The following CACNA2D3 variants were observed in gnomAD, a reference collection of about 807,000 sequenced individuals.
The protein encoded by CACNA2D3 is voltage-dependent calcium channel subunit alpha-2/delta-3.
CACNA2D3 carries 60 observed loss-of-function variants against 160.6 expected under a neutral mutation model. The ratio of observed to expected loss-of-function variants is 0.37; its 90% CI spans 0.30 to 0.46. The LOEUF (loss-of-function observed/expected upper bound fraction) is 0.46. CACNA2D3 is among the 20% of genes least tolerant of loss of function. The probability of loss-of-function intolerance (pLI) is 1.00; values close to 1 mark genes in which losing one functional copy is unlikely to be tolerated. For synonymous variants in CACNA2D3, 558 were observed against 492.9 expected, an observed-to-expected ratio of 1.13 and a Z score of -1.75; for missense variants, 1,205 against 1,365.0, an observed-to-expected ratio of 0.88 and a Z score of 1.85.
chr3:54,589,321 A>G (rs1286823096), intron 9 of CACNA2D3, among the ~76,000 whole-genome samples: 1 of 152,134 alleles, frequency 6.6e-6, no homozygotes, highest in Non-Finnish European at 1.5e-5. Context: ...TCATTCACAG[A>G]CAAAAACAAA....
intron 11 of CACNA2D3, among the ~76,000 whole-genome samples, chr3:54,735,424 G>T (rs938723903): frequency 1.3e-5 from 2 of 152,184 alleles, no homozygotes; most frequent in African/African-American, 2.4e-5. Flanking sequence ...TGCAATGAAG[G>T]TTGAAGTCCC....
intron 31 of CACNA2D3, among the ~76,000 whole-genome samples, chr3:55,001,935 G>A (rs9883364): frequency 0.068 from 10,366 of 152,168 alleles, 1,139 homozygotes; most frequent in African/African-American, 0.24. Flanking sequence ...GAGGCAGGTG[G>A]ATCACAAGGT....
intron 34 of CACNA2D3, among the ~76,000 whole-genome samples, chr3:55,011,269 C>T (rs1703206099): frequency 6.6e-6 from 1 of 152,218 alleles, no homozygotes; most frequent in South Asian, 2.1e-4. Flanking sequence ...TTCATCCACA[C>T]ACATGCACAT....
At chr3:54,913,552 A>G (rs1468133691) in intron 27 of CACNA2D3, among the ~76,000 whole-genome samples, 3 of 152,130 alleles carry the variant, frequency 2.0e-5, no homozygotes, top group African/African-American at 7.2e-5. Context: ...AGAGCCATAG[A>G]TTATGAAAGG....
At chr3:54,988,632 G>A (rs1702669660) in intron 31 of CACNA2D3, among the ~76,000 whole-genome samples, 1 of 152,182 alleles carries the variant, frequency 6.6e-6, no homozygotes, top group African/African-American at 2.4e-5. Flanking sequence ...GGTGGCCAGT[G>A]GGTAGGCAGG....
intron 14 of CACNA2D3, among the ~76,000 whole-genome samples, chr3:54,830,973 C>T (rs1046162096): frequency 2.6e-5 from 4 of 152,046 alleles, no homozygotes; most frequent in African/African-American, 9.7e-5. Flanking sequence ...TATACACACA[C>T]ATATAAAATA....
chr3:54,240,415 C>T (rs1267326914), intron 2 of CACNA2D3, among the ~76,000 whole-genome samples: 1 of 152,084 alleles, frequency 6.6e-6, no homozygotes, highest in African/African-American at 2.4e-5. Flanking sequence ...TTCTCAAAGG[C>T]GGTTACTGAA....
chr3:54,525,428 C>T (rs1437532924), intron 5 of CACNA2D3, among the ~76,000 whole-genome samples: 2 of 152,038 alleles, frequency 1.3e-5, no homozygotes, highest in African/African-American at 2.4e-5. Context: ...TGATTTTTGT[C>T]TTGTGACTTT....
intron 3 of CACNA2D3, among the ~76,000 whole-genome samples, chr3:54,345,963 C>T (rs1224385528): frequency 6.6e-6 from 1 of 152,024 alleles, no homozygotes; most frequent in Non-Finnish European, 1.5e-5. Context: ...ATCTGTCCTC[C>T]CATGCCAGGA....
chr3:54,461,031 A>G (rs1007045872), intron 4 of CACNA2D3, among the ~76,000 whole-genome samples: 2 of 152,098 alleles, frequency 1.3e-5, no homozygotes, highest in African/African-American at 4.8e-5. Flanking sequence ...CTATTGAGAT[A>G]ATCATGTTGT....
intron 11 of CACNA2D3, among the ~76,000 whole-genome samples, chr3:54,750,634 A>C (rs1701838036): frequency 6.6e-6 from 1 of 152,162 alleles, no homozygotes; most frequent in South Asian, 2.1e-4. Flanking sequence ...AAAACACTTA[A>C]CTGGGCCTCA....
intron 2 of CACNA2D3, among the ~76,000 whole-genome samples, chr3:54,194,120 A>G (rs1422346890): frequency 6.6e-6 from 1 of 152,160 alleles, no homozygotes; most frequent in African/African-American, 2.4e-5. Context: ...GTTAATGGGT[A>G]CAAACATACA....
At chr3:54,612,078 A>C (rs1329316443) in intron 9 of CACNA2D3, among the ~76,000 whole-genome samples, 2 of 152,160 alleles carry the variant, frequency 1.3e-5, no homozygotes, top group Non-Finnish European at 2.9e-5. Flanking sequence ...TGGCTGTCCC[A>C]GGGTTGGTTT....
intron 3 of CACNA2D3, among the ~76,000 whole-genome samples, chr3:54,337,543 G>T (rs935265770): frequency 2.0e-4 from 30 of 152,190 alleles, no homozygotes; most frequent in Middle Eastern, 3.2e-3. Flanking sequence ...GTGGAAAACT[G>T]AGTTGTCCCA....
At chr3:54,608,155 T>C (rs940488176) in intron 9 of CACNA2D3, among the ~76,000 whole-genome samples, 2 of 152,186 alleles carry the variant, frequency 1.3e-5, no homozygotes, top group Non-Finnish European at 2.9e-5. Context: ...AAAATGAATG[T>C]GAAAACTGGT....
Position 54,888,038 on chromosome 3 carries a change from C to T in CACNA2D3, c.2136C>T (p.Ala712=). The change falls in exon 24 of 38, where the codon GCC becomes GCT. Residue 712 remains alanine, a synonymous_variant. Coordinates refer to ENST00000474759, the MANE Select transcript of CACNA2D3 (RefSeq NM_018398.3). ...APIEAYWTSL[A]LNKSENSDKG... is the part of the protein sequence containing the mutation. ...TTGAAGCGTATTGGACCAGCCTGGC[C>T]CTCAACAAATCTGAGTAAGTGGTTG... 6.2e-7 allele frequency: 1 copy of T among 1,613,638 alleles called. No individual in the cohort carries two copies. The highest frequency in any genetic ancestry group is 8.5e-7 in the Non-Finnish European group (1 of 1,179,632).
At chr3:54,149,911 CTCTCT>C (rs1700108115) in intron 2 of CACNA2D3, among the ~76,000 whole-genome samples, 1 of 94,512 alleles carries the variant, frequency 1.1e-5, no homozygotes, top group African/African-American at 4.4e-5. Context: ...CTCTCTCTCT[CTCTCT>C]CTCTCTCTCT....
In CACNA2D3 at chr3:54,891,378, T is replaced by C; in HGVS notation, c.2174T>C (p.Val725Ala). Residue 725 changes from valine to alanine, a missense_variant, in exon 25 of 38, where the codon GTT becomes GCT. This residue lies in a region of CACNA2D3 where 911 missense variants were observed against 1,002.2 expected (regional missense o/e 0.91). Coordinates refer to ENST00000474759, the MANE Select transcript of CACNA2D3 (RefSeq NM_018398.3). ...KSENSDKGVE[V>A]AFLGTRTGLS... ...AGAAATTCTGACAAGGGCGTGGAGG[T>C]TGCCTTCCTCGGCACTCGCACGGGC... 1 of 1,613,798 alleles carries C rather than the reference T, an allele frequency of 6.2e-7. No individual in the cohort carries two copies. Among genetic ancestry groups the C allele is most frequent in the South Asian group, 1.1e-5 (1 of 91,064 alleles).
intron 5 of CACNA2D3, among the ~76,000 whole-genome samples, chr3:54,537,656 A>G (rs1701910028): frequency 6.6e-6 from 1 of 152,150 alleles, no homozygotes; most frequent in Admixed American, 6.5e-5. Flanking sequence ...CACATTTTAC[A>G]GGGAATCAGA....
Sources: allele counts gnomAD v4.1 joint callset (sites outside exome capture counted in the v4.1 genomes callset), GRCh38; gene constraint gnomAD v4.1.1; regional missense constraint gnomAD v4.1.1; transcripts MANE v1.5; gene names NCBI Gene and HGNC (gene_info 2026-07-23, HGNC 2026-07-21).